TSHZ2: variants seen among roughly 807,000 people sequenced by gnomAD.
TSHZ2 encodes the protein teashirt zinc finger homeobox 2.
A neutral mutation model predicts 74.4 loss-of-function variants in TSHZ2; 21 were observed. The observed-to-expected ratio is 0.28, with a 90% confidence interval of 0.20 to 0.41. The LOEUF (loss-of-function observed/expected upper bound fraction) is 0.41, where lower values mean the gene tolerates loss of function less well. Ranked by LOEUF, TSHZ2 falls within the 10% of genes least tolerant of loss-of-function variation. The pLI is 1.00. For synonymous variants in TSHZ2, 540 were observed against 515.3 expected (o/e 1.05, Z -0.65); for missense variants, 1,244 against 1,293.5 (o/e 0.96, Z 0.59).
At chr20:53,153,903 C>G (rs1365063458) in intron 1 of TSHZ2, among the ~76,000 whole-genome samples, 3 of 152,196 alleles carry the variant, frequency 2.0e-5, no homozygotes, top group East Asian at 3.8e-4. Flanking sequence ...CATAAGGTCT[C>G]TCATCCTCCA....
intron 2 of TSHZ2, among the ~76,000 whole-genome samples, chr20:53,436,229 C>A (rs1004823499): frequency 6.6e-6 from 1 of 152,152 alleles, no homozygotes; most frequent in Non-Finnish European, 1.5e-5. Flanking sequence ...AAAGCTGGGG[C>A]TCAGGGTGAA....
chr20:53,111,377 C>T (rs906506111), intron 1 of TSHZ2, among the ~76,000 whole-genome samples: 4 of 152,140 alleles, frequency 2.6e-5, no homozygotes, highest in Admixed American at 6.5e-5. Context: ...CAAATCTTTA[C>T]GGCATAAAAT....
rs1189448823 is a variant in TSHZ2 at position 53,433,764 on chromosome 20, C to A, written c.*9-53380C>A. 2.0e-5 allele frequency among the ~76,000 whole-genome samples: 3 copies of A among 152,198 alleles called. No homozygotes were observed. In the East Asian group the frequency reaches 5.8e-4, roughly 29 times the overall value. On this transcript the variant is annotated intron_variant, in intron 2 of 2. Coordinates refer to ENST00000371497, the MANE Select transcript of TSHZ2 (RefSeq NM_173485.6). ...TCCCCAGTCTTTTCTCATCCTGTAA[C>A]CAGCAATTGACTGGAAATCTGTTTA... is the stretch of plus-strand genomic sequence containing the variant.
At chr20:53,437,227 C>T (rs898863988) in intron 2 of TSHZ2, among the ~76,000 whole-genome samples, 11 of 152,148 alleles carry the variant, frequency 7.2e-5, no homozygotes, top group Non-Finnish European at 1.2e-4. Context: ...AATTCCAGCA[C>T]TTTGGGAGGC....
At chr20:52,980,967 T>C (rs1981544452) in intron 1 of TSHZ2, among the ~76,000 whole-genome samples, 1 of 152,240 alleles carries the variant, frequency 6.6e-6, no homozygotes, top group South Asian at 2.1e-4. Context: ...GAATAGCTTC[T>C]GGGCCAAGAT....
chr20:53,202,421 C>A (rs536793611), intron 1 of TSHZ2, among the ~76,000 whole-genome samples: 15 of 152,332 alleles, frequency 9.8e-5, no homozygotes, highest in African/African-American at 3.6e-4. Flanking sequence ...ACATGATTCT[C>A]TGCAGTGTAG....
intron 1 of TSHZ2, among the ~76,000 whole-genome samples, chr20:53,031,134 CTGTT>C (rs1293048883): frequency 6.6e-6 from 1 of 152,038 alleles, no homozygotes; most frequent in African/African-American, 2.4e-5. Flanking sequence ...AAAATTATGC[CTGTT>C]TAATGCTTTT....
intron 2 of TSHZ2, among the ~76,000 whole-genome samples, chr20:53,291,363 C>T (rs927707027): frequency 2.6e-5 from 4 of 151,568 alleles, no homozygotes; most frequent in Non-Finnish European, 5.9e-5. Context: ...TTCGCAGCTA[C>T]TCAGGAAGCT....
At chr20:53,247,267 C>T (rs1990230624) in intron 1 of TSHZ2, among the ~76,000 whole-genome samples, 1 of 152,160 alleles carries the variant, frequency 6.6e-6, no homozygotes, top group Non-Finnish European at 1.5e-5. Flanking sequence ...GAACGTAGAT[C>T]ACTTCTCCAG....
intron 1 of TSHZ2, among the ~76,000 whole-genome samples, chr20:53,163,850 ATGT>A (rs2123469932): frequency 6.6e-6 from 1 of 152,292 alleles, no homozygotes; most frequent in Admixed American, 6.5e-5. Flanking sequence ...GAGATAATAA[ATGT>A]TTGTTGTTGT....
At chr20:53,358,984 A>G (rs1268622104) in intron 2 of TSHZ2, among the ~76,000 whole-genome samples, 1 of 152,226 alleles carries the variant, frequency 6.6e-6, no homozygotes, top group Non-Finnish European at 1.5e-5. Flanking sequence ...CACAAGTCTA[A>G]GAAAGAGTAA....
At chr20:53,050,095 A>G (rs1290771410) in intron 1 of TSHZ2, among the ~76,000 whole-genome samples, 4 of 81,434 alleles carry the variant, frequency 4.9e-5, no homozygotes, top group East Asian at 8.5e-4. Context: ...AAAAAAATGT[A>G]TATGTGTGTA....
At chr20:53,226,427 G>GGGGTGTGTGTGT (rs879256692) in intron 1 of TSHZ2, among the ~76,000 whole-genome samples, 1 of 149,564 alleles carries the variant, frequency 6.7e-6, no homozygotes, top group African/African-American at 2.5e-5. Flanking sequence ...TGTGTGGGTC[G>GGGGTGTGTGTGT]GTGTGTGTAT....
At chr20:53,110,626 T>C (rs1156575212) in intron 1 of TSHZ2, among the ~76,000 whole-genome samples, 2 of 151,126 alleles carry the variant, frequency 1.3e-5, no homozygotes, top group Non-Finnish European at 1.5e-5. Flanking sequence ...GTTGGAGCAG[T>C]TGGGATATGA....
At chr20:53,320,979 A>G (rs1009120419) in intron 2 of TSHZ2, among the ~76,000 whole-genome samples, 1 of 152,230 alleles carries the variant, frequency 6.6e-6, no homozygotes, top group Non-Finnish European at 1.5e-5. Context: ...AATTAGAAAC[A>G]TAAGTCCCAG....
chr20:52,996,880 A>G (rs1354315829), intron 1 of TSHZ2, among the ~76,000 whole-genome samples: 4 of 152,144 alleles, frequency 2.6e-5, no homozygotes, highest in Non-Finnish European at 5.9e-5. Context: ...ACTCTGTGGA[A>G]AACATTCCTG....
intron 1 of TSHZ2, among the ~76,000 whole-genome samples, chr20:53,239,904 C>T (rs765872625): frequency 6.6e-6 from 1 of 151,990 alleles, no homozygotes; most frequent in Non-Finnish European, 1.5e-5. Context: ...AACGGCTATA[C>T]AAAACTATAA....
chr20:53,020,834 C>G (rs151251199), intron 1 of TSHZ2, among the ~76,000 whole-genome samples: 112 of 152,368 alleles, frequency 7.4e-4, no homozygotes, highest in South Asian at 1.2e-3. Context: ...GAAATCTCCA[C>G]AGTCTTCCAA....
At chr20:53,407,960 C>T (rs888766832) in intron 2 of TSHZ2, among the ~76,000 whole-genome samples, 4 of 152,182 alleles carry the variant, frequency 2.6e-5, no homozygotes, top group African/African-American at 7.2e-5. Context: ...CAATTCTTAG[C>T]TTGCAGACTT....
Sources: gnomAD v4.1 joint callset for allele counts (sites outside exome capture counted in the v4.1 genomes callset) on GRCh38, gnomAD v4.1.1 for gene constraint, MANE v1.5 for transcripts, NCBI Gene and HGNC (gene_info 2026-07-23, HGNC 2026-07-21) for gene names.